HFM1: variants seen among roughly 807,000 people sequenced by gnomAD.
HFM1 encodes helicase for meiosis 1.
In HFM1, 169 loss-of-function variants were observed where a neutral mutation model predicts 192.1. The ratio of observed to expected loss-of-function variants is 0.88; its 90% confidence interval spans 0.78 to 1.00. HFM1 has a LOEUF of 1.00. HFM1 is among the 50% of genes least tolerant of loss of function. The probability of loss-of-function intolerance (pLI) is 0.00; values close to 1 mark genes in which losing one functional copy is unlikely to be tolerated. For missense variants in HFM1, 1,661 were observed against 1,668.0 expected, an observed-to-expected ratio of 1.00 and a Z score of 0.07; for synonymous variants, 525 against 537.8, an observed-to-expected ratio of 0.98 and a Z score of 0.33.
Position 91,352,605 on chromosome 1 carries a change from T to G in HFM1, c.1878A>C (p.Leu626=). The change falls in exon 16 of 39, where the codon CTA becomes CTC. Residue 626 remains leucine (L), a synonymous_variant. Coordinates refer to ENST00000370425, the MANE Select transcript of HFM1 (RefSeq NM_001017975.6). The stretch of plus-strand genomic sequence containing the variant: ...AATGCATTGTAGATTTTATAACTAC[T>G]AGGTGAGCAGGCAAATTTACTCCCA... The part of the protein sequence containing the change: ...LAMGVNLPAH[L]VVIKSTMHYA... The G allele has an allele frequency of 6.2e-7, 1 of 1,608,564 alleles. No individual in the cohort carries two copies.
chr1:91,339,318 A>G (rs12564415), intron 20 of HFM1, among the ~76,000 whole-genome samples: 30,966 of 151,798 alleles, frequency 0.2, 3,769 homozygotes, highest in South Asian at 0.35. Context: ...TGTCAGACCT[A>G]GAATTCAGAA....
Position 91,380,090 on chromosome 1 carries a change from TAATA to T in HFM1, c.1006+10_1006+13del, listed in dbSNP as rs767734758. On this transcript the variant is annotated intron_variant, in intron 8 of 38. Transcript: ENST00000370425. ...TTATTATAATTAGTCATCACTCTTA[TAATA>T]AATACTTACTGTAAACAATTTTAAT... The T allele has an allele frequency of 7.8e-5, 98 of 1,250,978 alleles. No individual in the cohort carries two copies. Among genetic ancestry groups the T allele is most frequent in the Non-Finnish European group, 1.0e-4 (92 of 907,626 alleles). The allele number at this position is 1,250,978 out of a possible 1,614,324, so 77.5% of individuals were successfully genotyped here. A position where few individuals can be genotyped will look rare whatever the true frequency, so the allele number is the denominator to read the frequency against.
chr1:91,362,578 T>C (rs752503281), intron 13 of HFM1, among the ~76,000 whole-genome samples: 18 of 152,202 alleles, frequency 1.2e-4, no homozygotes, highest in Non-Finnish European at 1.3e-4. Flanking sequence ...TCCATGCTCA[T>C]GGATAGGAAG....
intron 11 of HFM1, chr1:91,377,739 T>C (rs1661068558): frequency 7.8e-6 from 3 of 384,044 alleles, no homozygotes; most frequent in Admixed American, 4.6e-5. Context: ...CCATCACATA[T>C]TGTTAGTGAA....
intron 36 of HFM1, 37 bp downstream of exon 36, chr1:91,265,980 A>G (rs1419282069): frequency 6.3e-7 from 1 of 1,584,212 alleles, no homozygotes; most frequent in Middle Eastern, 1.7e-4. Flanking sequence ...GGGGATATAA[A>G]GTTGCAAATA....
chr1:91,304,357 C>A (rs1337320227), intron 30 of HFM1, among the ~76,000 whole-genome samples: 2 of 152,104 alleles, frequency 1.3e-5, no homozygotes, highest in Admixed American at 1.3e-4. Context: ...TCTATTTTTT[C>A]TTTGGTTACT....
intron 30 of HFM1, among the ~76,000 whole-genome samples, chr1:91,290,985 G>C (rs1269535872): frequency 6.6e-6 from 1 of 152,044 alleles, no homozygotes; most frequent in Non-Finnish European, 1.5e-5. Context: ...CAGAAATAAA[G>C]ATGTTCTTTG....
At chr1:91,319,230 A>G (rs1230203194) in intron 24 of HFM1, 21 bp from the exon 25 acceptor site, 1 of 1,604,698 alleles carries the variant, frequency 6.2e-7, no homozygotes, top group East Asian at 2.2e-5. Context: ...AGTTTCCAGT[A>G]TTAAATCTAA....
chr1:91,376,568 A>G (rs574679734), intron 11 of HFM1, among the ~76,000 whole-genome samples: 2 of 152,136 alleles, frequency 1.3e-5, no homozygotes, highest in African/African-American at 2.4e-5. Context: ...TTGCTTACAA[A>G]TAAGTTAAGA....
chr1:91,351,412 C>A, intron 17 of HFM1, 137 bp downstream of exon 17: 1 of 532,324 alleles, frequency 1.9e-6, no homozygotes, highest in Non-Finnish European at 3.3e-6. Flanking sequence ...CACAAACTTT[C>A]TAGTTAAATA....
intron 30 of HFM1, among the ~76,000 whole-genome samples, chr1:91,278,571 TACA>T (rs1186296134): frequency 6.6e-6 from 1 of 152,196 alleles, no homozygotes; most frequent in Non-Finnish European, 1.5e-5. Context: ...TTGAAAACTT[TACA>T]ACATTTCTTG....
At chr1:91,380,376 C>A in intron 7 of HFM1, 140 bp from the exon 8 acceptor site, 1 of 529,282 alleles carries the variant, frequency 1.9e-6, no homozygotes, top group Non-Finnish European at 3.2e-6. Flanking sequence ...AAAATTGTAA[C>A]TTTGCTCCAG....
chr1:91,365,135 G>A (rs768945069), intron 13 of HFM1, among the ~76,000 whole-genome samples: 21 of 152,032 alleles, frequency 1.4e-4, no homozygotes, highest in Admixed American at 3.3e-4. Context: ...CATGTGAAAC[G>A]TGTTTTTAAA....
chr1:91,346,119 A>G (rs1359457251), intron 19 of HFM1, among the ~76,000 whole-genome samples: 1 of 133,604 alleles, frequency 7.5e-6, no homozygotes, highest in African/African-American at 3.1e-5. Flanking sequence ...AAAAGATGTT[A>G]CTTTTTTTCT....
Position 91,403,859 on chromosome 1 carries a change from CT to C in HFM1, c.-28+938del, listed in dbSNP as rs1191834183. Among the ~76,000 whole-genome samples, 21 of 152,180 alleles carry C rather than the reference CT, an allele frequency of 1.4e-4. No homozygotes were observed. In the East Asian group the frequency reaches 3.5e-3, roughly 25 times the overall value. ...TAATGACAATTCACCATTTTGTCTT[CT>C]GTAATCTTTACTTATTGTATAAAAT... On this transcript the variant is annotated intron_variant, in intron 1 of 38. Coordinates refer to ENST00000370425, the MANE Select transcript of HFM1 (RefSeq NM_001017975.6).
At chr1:91,344,075 A>C (rs72726302) in intron 19 of HFM1, among the ~76,000 whole-genome samples, 15,702 of 152,276 alleles carry the variant, frequency 0.1, 906 homozygotes, top group Middle Eastern at 0.17. Flanking sequence ...ACTTTCTTGA[A>C]GCAAAAACTT....
rs1187463620 is a variant in HFM1, at chr1:91,333,623, T to C, written c.2336-8857A>G. ...TTAAAAATAACTTAAACAGTATAAT[T>C]GGACTGTCTGTAACACAAAGGATAA... On this transcript the variant is annotated intron_variant, in intron 20 of 38. Transcript: ENST00000370425. 2.0e-5 allele frequency among the ~76,000 whole-genome samples: 3 copies of C among 152,178 alleles called. No homozygotes were observed. The East Asian group carries it at 5.8e-4, about 29-fold the overall frequency.
chr1:91,294,265 C>G (rs1423377585), intron 30 of HFM1, among the ~76,000 whole-genome samples: 4 of 151,468 alleles, frequency 2.6e-5, no homozygotes, highest in African/African-American at 7.3e-5. Flanking sequence ...AAAAAGATCA[C>G]ATTCACAGGT....
intron 30 of HFM1, among the ~76,000 whole-genome samples, chr1:91,310,086 T>C (rs1431812046): frequency 1.3e-5 from 2 of 152,102 alleles, no homozygotes; most frequent in Non-Finnish European, 2.9e-5. Flanking sequence ...GTTAATCTGG[T>C]ATATCTAGAT....
Sources: allele counts gnomAD v4.1 joint callset (sites outside exome capture counted in the v4.1 genomes callset), GRCh38; gene constraint gnomAD v4.1.1; transcripts MANE v1.5; gene names NCBI Gene and HGNC (gene_info 2026-07-23, HGNC 2026-07-21).